Variants in SMYD3 observed in about 807,000 individuals in gnomAD.
The protein encoded by SMYD3 is SET and MYND domain containing 3.
SMYD3 carries 36 observed loss-of-function variants against 57.7 expected under a neutral mutation model. The observed-to-expected ratio is 0.62, with a 90% CI of 0.48 to 0.82. The LOEUF (loss-of-function observed/expected upper bound fraction) is 0.82. SMYD3 is among the 40% of genes least tolerant of loss of function. SMYD3 has a pLI of 0.00. For missense variants in SMYD3, 515 were observed against 538.8 expected, an observed-to-expected ratio of 0.96 and a Z score of 0.44; for synonymous variants, 211 against 195.0, an observed-to-expected ratio of 1.08 and a Z score of -0.68.
intron 5 of SMYD3, among the ~76,000 whole-genome samples, chr1:246,017,213 T>C (rs2059393075): frequency 6.6e-6 from 1 of 152,204 alleles, no homozygotes; most frequent in South Asian, 2.1e-4. Flanking sequence ...AGTGCAAGAA[T>C]AGAATAGTAT....
intron 10 of SMYD3, among the ~76,000 whole-genome samples, chr1:245,811,218 A>C (rs925578358): frequency 6.6e-6 from 1 of 152,220 alleles, no homozygotes; most frequent in Non-Finnish European, 1.5e-5. Context: ...AGTGCAAAGT[A>C]CAGCTCTTAT....
At chr1:246,443,521 T>C (rs1329518378) in intron 1 of SMYD3, among the ~76,000 whole-genome samples, 18 of 152,244 alleles carry the variant, frequency 1.2e-4, no homozygotes, top group Admixed American at 1.2e-3. Flanking sequence ...AATCTAATTT[T>C]AAAACACTTG....
intron 5 of SMYD3, among the ~76,000 whole-genome samples, chr1:246,102,557 C>G (rs952252376): frequency 1.7e-4 from 26 of 152,120 alleles, no homozygotes; most frequent in African/African-American, 6.3e-4. Context: ...CTAAACCCTA[C>G]AGTCCCTTCT....
intron 1 of SMYD3, among the ~76,000 whole-genome samples, chr1:246,393,433 T>A (rs545704845): frequency 6.6e-6 from 1 of 152,262 alleles, no homozygotes; most frequent in South Asian, 2.1e-4. Context: ...AAGGACTTCA[T>A]CTATTTCTCT....
At chr1:246,467,266 C>T (rs888198635) in intron 1 of SMYD3, among the ~76,000 whole-genome samples, 14 of 152,142 alleles carry the variant, frequency 9.2e-5, no homozygotes, top group Admixed American at 8.5e-4. Context: ...AGGAGAGACA[C>T]ATCATTTGAC....
intron 5 of SMYD3, among the ~76,000 whole-genome samples, chr1:245,959,311 C>T (rs1226832697): frequency 6.6e-6 from 1 of 152,146 alleles, no homozygotes; most frequent in African/African-American, 2.4e-5. Flanking sequence ...GCCAAGACAT[C>T]CATGCTTGCT....
intron 5 of SMYD3, among the ~76,000 whole-genome samples, chr1:246,241,835 C>T (rs1311171672): frequency 6.6e-6 from 1 of 152,070 alleles, no homozygotes; most frequent in Non-Finnish European, 1.5e-5. Flanking sequence ...GTGTATCTGT[C>T]GAGGAATTTA....
At chr1:246,225,855 C>T (rs1404303581) in intron 5 of SMYD3, among the ~76,000 whole-genome samples, 3 of 152,116 alleles carry the variant, frequency 2.0e-5, no homozygotes, top group East Asian at 1.9e-4. Flanking sequence ...TAGTAGCATT[C>T]GGTAAATATT....
At chr1:245,977,855 C>T (rs12024270) in intron 5 of SMYD3, among the ~76,000 whole-genome samples, 19,355 of 152,166 alleles carry the variant, frequency 0.13, 1,315 homozygotes, top group South Asian at 0.21. Flanking sequence ...ATAGTGCACT[C>T]GGCTGGCAAG....
intron 5 of SMYD3, among the ~76,000 whole-genome samples, chr1:245,971,748 A>G (rs1400035947): frequency 2.0e-5 from 3 of 152,216 alleles, no homozygotes; most frequent in African/African-American, 7.2e-5. Context: ...TTTTAAAAAT[A>G]GCAGCTGTCA....
intron 1 of SMYD3, among the ~76,000 whole-genome samples, chr1:246,505,091 TCTGTGTAAAATA>T (rs1361898523): frequency 1.3e-5 from 2 of 152,244 alleles, no homozygotes; most frequent in Non-Finnish European, 2.9e-5. Flanking sequence ...ATATTTTGTG[TCTGTGTAAAATA>T]CTAGTAAGTA....
At chr1:246,331,998 C>T (rs557952868) in intron 3 of SMYD3, among the ~76,000 whole-genome samples, 41 of 152,332 alleles carry the variant, frequency 2.7e-4, no homozygotes, top group African/African-American at 8.7e-4. Context: ...CTGGCTATTC[C>T]CCTATCTCTT....
At chr1:246,229,579 G>A (rs1231193964) in intron 5 of SMYD3, among the ~76,000 whole-genome samples, 2 of 152,176 alleles carry the variant, frequency 1.3e-5, no homozygotes, top group African/African-American at 4.8e-5. Flanking sequence ...CCTCAGACTG[G>A]GTAATTTAGG....
chr1:245,762,821 G>A (rs371692228), intron 11 of SMYD3, among the ~76,000 whole-genome samples: 195 of 152,310 alleles, frequency 1.3e-3, no homozygotes, highest in Middle Eastern at 3.4e-3. Context: ...CCCTGGACAC[G>A]CCCTGAGCAA....
intron 5 of SMYD3, among the ~76,000 whole-genome samples, chr1:245,949,498 C>T (rs1007305071): frequency 6.6e-6 from 1 of 152,138 alleles, no homozygotes; most frequent in African/African-American, 2.4e-5. Flanking sequence ...ACCGTGCGCA[C>T]CCAGAACCAA....
chr1:245,947,482 A>G (rs1467074369), intron 5 of SMYD3: 1 of 454,310 alleles, frequency 2.2e-6, no homozygotes, highest in Non-Finnish European at 4.4e-6. Flanking sequence ...GTATTTTAAA[A>G]CATCAGGGAT....
intron 5 of SMYD3, chr1:246,113,642 C>G (rs80094651): frequency 1.3e-5 from 2 of 152,190 alleles, no homozygotes; most frequent in South Asian, 2.1e-4. Context: ...TAGTTTATCA[C>G]GTCGTATTAT....
intron 5 of SMYD3, among the ~76,000 whole-genome samples, chr1:246,028,900 T>A (rs1182792717): frequency 2.6e-5 from 4 of 152,066 alleles, no homozygotes; most frequent in Non-Finnish European, 5.9e-5. Flanking sequence ...ACCATTAGCA[T>A]AGAATAGAGA....
intron 1 of SMYD3, among the ~76,000 whole-genome samples, chr1:246,373,844 T>C (rs1458547249): frequency 6.6e-6 from 1 of 152,200 alleles, no homozygotes; most frequent in Non-Finnish European, 1.5e-5. Flanking sequence ...ACATTACTTG[T>C]TTGAAAATAT....
Sources: allele counts gnomAD v4.1 joint callset (sites outside exome capture counted in the v4.1 genomes callset), GRCh38; gene constraint gnomAD v4.1.1; transcripts MANE v1.5; gene names NCBI Gene and HGNC (gene_info 2026-07-23, HGNC 2026-07-21).